PITHD1: variants seen among roughly 807,000 people sequenced by gnomAD.
PITHD1 encodes PITH domain containing 1.
A neutral mutation model predicts 27.5 loss-of-function variants in PITHD1; 8 were observed. The ratio of observed to expected loss-of-function variants is 0.29; its 90% CI spans 0.17 to 0.52. PITHD1 has a LOEUF of 0.52. PITHD1 is among the 20% of genes least tolerant of loss of function. PITHD1 has a pLI of 0.96. For synonymous variants in PITHD1, 118 were observed against 106.8 expected, an observed-to-expected ratio of 1.10 and a Z score of -0.64; for missense variants, 233 against 283.9, an observed-to-expected ratio of 0.82 and a Z score of 1.29.
intron 2 of PITHD1, 45 bp downstream of exon 2, chr1:23,779,526 C>T (rs777962080): frequency 2.1e-6 from 3 of 1,420,386 alleles, no homozygotes; most frequent in South Asian, 2.3e-5. Flanking sequence ...TAGGCTGTAC[C>T]CAGTTGCCTC....
Position 23,785,793 on chromosome 1 carries a change from C to G in PITHD1, c.425+14C>G. 1 of 1,415,974 alleles carries G rather than the reference C, an allele frequency of 7.1e-7. No individual in the cohort carries two copies. Among genetic ancestry groups the G allele is most frequent in the Non-Finnish European group, 1.0e-6 (1 of 999,524 alleles). 87.7% of individuals were successfully genotyped at this position (1,415,974 alleles called of 1,614,324 possible). ...GTATGCTACAAAGTAAGCACTGGGC[C>G]TGTCTTCCATTCTCTATGGCTTCTT... On this transcript the variant is annotated intron_variant, in intron 4 of 5. Transcript: ENST00000246151.
intron 5 of PITHD1, among the ~76,000 whole-genome samples, chr1:23,786,654 A>ATC (rs2148402429): frequency 6.7e-6 from 1 of 149,232 alleles, no homozygotes; most frequent in African/African-American, 2.4e-5. Context: ...ATATATATAT[A>ATC]TCTCAGCTCA....
chr1:23,781,326 G>A (rs1421811252), intron 3 of PITHD1, among the ~76,000 whole-genome samples: 3 of 152,114 alleles, frequency 2.0e-5, no homozygotes, highest in Non-Finnish European at 4.4e-5. Flanking sequence ...AGCTGGGTGC[G>A]GTGGCACAGG....
rs1638703048 is a variant in PITHD1 at position 23,787,459 on chromosome 1, CAG to C, written c.*90_*91del. On this transcript the variant is annotated 3_prime_UTR_variant, in exon 6 of 6. Transcript: ENST00000246151. ...TGGGAAGGACAAAGGGATGAGGCTC[CAG>C]AGAGAGTTGGCTGCCACAGCCTCTG... 1.2e-6 allele frequency: 1 copy of C among 801,460 alleles called. No individual in the cohort carries two copies. Among genetic ancestry groups the C allele is most frequent in the Non-Finnish European group, 2.1e-6 (1 of 472,478 alleles). 49.6% of individuals were successfully genotyped at this position (801,460 alleles called of 1,614,324 possible). A position where few individuals can be genotyped will look rare whatever the true frequency, so the allele number is the denominator to read the frequency against.
intron 3 of PITHD1, among the ~76,000 whole-genome samples, chr1:23,784,234 C>CTTTTTTTT (rs774484769): frequency 4.3e-4 from 35 of 81,438 alleles, no homozygotes; most frequent in Non-Finnish European, 5.3e-4. Flanking sequence ...CATTTGCTTT[C>CTTTTTTTT]TTTTTTTTTT....
chr1:23,787,051 C>T (rs1638696239), intron 5 of PITHD1, among the ~76,000 whole-genome samples: 1 of 152,124 alleles, frequency 6.6e-6, no homozygotes, highest in South Asian at 2.1e-4. Context: ...ACTGAATCTT[C>T]AAAGTTACAG....
chr1:23,783,316 C>CAT lies in PITHD1; in HGVS notation c.321-2349_321-2348dup, dbSNP rs543840563. On this transcript the variant is annotated intron_variant, in intron 3 of 5. Transcript: ENST00000246151. Reference sequence around the variant, plus strand: ...ATATATGTATATCTACATATATACGCATATATATATACACATATATGTGTA... The same window carrying CAT: ...ATATATGTATATCTACATATATACGCATATATATATATACACATATATGTGTA... 6.4e-3 allele frequency among the ~76,000 whole-genome samples: 940 copies of CAT among 147,772 alleles called. 4 individuals carry two copies. Among genetic ancestry groups the CAT allele is most frequent in the African/African-American group, 0.014 (539 of 39,830 alleles).
At chr1:23,779,575 C>T in intron 2 of PITHD1, 94 bp downstream of exon 2, 1 of 996,054 alleles carries the variant, frequency 1.0e-6, no homozygotes, top group Non-Finnish European at 1.6e-6. Flanking sequence ...CACACATTTG[C>T]TTCTAGAAAT....
intron 4 of PITHD1, 102 bp from the exon 5 acceptor site, chr1:23,786,213 C>G: frequency 1.8e-6 from 1 of 568,778 alleles, no homozygotes; most frequent in African/African-American, 1.9e-5. Context: ...CTGACTTTGC[C>G]TGGCTTTTAC....
Position 23,779,478 on chromosome 1 carries a change from T to C in PITHD1, c.239T>C (p.Ile80Thr), listed in dbSNP as rs1268389363. ...SDADEELLFN[I>T]PFTGNVKLKG... is the part of the protein sequence containing the mutation. ...GCAGATGAAGAGCTTCTGTTTAATA[T>C]TCCGTAAGTATCTCCTTGGTGCCTA... The change falls in exon 2 of 6, where the codon ATT becomes ACT. Residue 80 changes from isoleucine to threonine, a missense_variant. Ile to Thr is a moderately conservative substitution (Grantham distance 89). Transcript: ENST00000246151. 2 of 1,611,482 alleles carry C rather than the reference T, an allele frequency of 1.2e-6. No individual in the cohort carries two copies. The highest frequency in any genetic ancestry group is 1.1e-5 in the South Asian group (1 of 91,044).
intron 1 of PITHD1, 146 bp downstream of exon 1, chr1:23,778,859 G>C (rs1638551508): frequency 2.2e-6 from 1 of 455,000 alleles, no homozygotes; most frequent in Non-Finnish European, 3.6e-6. Flanking sequence ...TCTTTGGGAG[G>C]CGAGCAGCGT....
At chr1:23,780,375 G>A (rs1223533744) in intron 3 of PITHD1, among the ~76,000 whole-genome samples, 1 of 152,130 alleles carries the variant, frequency 6.6e-6, no homozygotes. Context: ...ACTTTGCGTG[G>A]CATTTAGTTA....
Position 23,778,509 on chromosome 1 carries a change from C to G in PITHD1, c.-7C>G. On this transcript the variant is annotated 5_prime_UTR_variant, in exon 1 of 6. Coordinates refer to ENST00000246151, the MANE Select transcript of PITHD1 (RefSeq NM_020362.5). ...GGCCGAGAGGACGCGCAGGTGGCGG[C>G]GTTGCCATGTCGCACGGTCACAGCC... The G allele has an allele frequency of 7.4e-7, 1 of 1,347,632 alleles. No homozygotes were observed. The highest frequency in any genetic ancestry group is 1.9e-5 in the South Asian group (1 of 53,570). 83.5% of individuals were successfully genotyped at this position (1,347,632 alleles called of 1,614,324 possible).
intron 5 of PITHD1, among the ~76,000 whole-genome samples, chr1:23,786,676 GC>G (rs1234440036): frequency 6.7e-6 from 1 of 149,666 alleles, no homozygotes; most frequent in African/African-American, 2.5e-5. Flanking sequence ...TGCGACCTCC[GC>G]CTCCCAGGTT....
rs541839100 is a variant in PITHD1 at position 23,787,518 on chromosome 1, A to G, written c.*142A>G. 2 of 556,144 alleles carry G rather than the reference A, an allele frequency of 3.6e-6. No individual in the cohort carries two copies. The highest frequency in any genetic ancestry group is 6.5e-6 in the Non-Finnish European group (2 of 307,428). The allele number at this position is 556,144 out of a possible 1,614,324, so 34.5% of individuals were successfully genotyped here. On this transcript the variant is annotated 3_prime_UTR_variant, in exon 6 of 6. Transcript: ENST00000246151. ...TTTGTCTTTGGGGCTTGCTGCAGAA[A>G]CCTGGCCTACGGAAGATACGACACC...
Position 23,781,840 on chromosome 1 carries a change from A to G in PITHD1, c.320+1899A>G, listed in dbSNP as rs562254805. 7.9e-5 allele frequency among the ~76,000 whole-genome samples: 12 copies of G among 152,368 alleles called. No homozygotes were observed. The East Asian group carries it at 2.3e-3, about 29-fold the overall frequency. ...CTCATAAGATTGTGGAGAGGCTTAA[A>G]TGAGATAAAACATGTAAAGAGCTTA... On this transcript the variant is annotated intron_variant, in intron 3 of 5. Transcript: ENST00000246151.
At chr1:23,781,560 C>G (rs78498045) in intron 3 of PITHD1, among the ~76,000 whole-genome samples, 146 of 151,962 alleles carry the variant, frequency 9.6e-4, no homozygotes, top group Non-Finnish European at 1.6e-3. Context: ...AATTTGAAAG[C>G]AAATCCATGT....
intron 2 of PITHD1, 162 bp from the exon 3 acceptor site, chr1:23,779,702 T>C (rs1638567097): frequency 4.5e-6 from 3 of 664,644 alleles, no homozygotes; most frequent in Admixed American, 2.6e-5. Flanking sequence ...TTTCTTAGAA[T>C]TGTAGAATGC....
At chr1:23,779,226 C>G (rs1638559029) in intron 1 of PITHD1, 2 of 522,804 alleles carry the variant, frequency 3.8e-6, no homozygotes, top group South Asian at 2.9e-5. Flanking sequence ...CATTCATGGG[C>G]TTTTTGTTAA....
Sources: allele counts gnomAD v4.1 joint callset (sites outside exome capture counted in the v4.1 genomes callset), GRCh38; gene constraint gnomAD v4.1.1; transcripts MANE v1.5; gene names NCBI Gene and HGNC (gene_info 2026-07-23, HGNC 2026-07-21).